COG2: variants seen among roughly 807,000 people sequenced by gnomAD.
COG2 encodes the protein conserved oligomeric Golgi complex subunit 2.
COG2 carries 52 observed loss-of-function variants against 90.6 expected under a neutral mutation model. The observed-to-expected ratio is 0.57, with a 90% CI of 0.46 to 0.72. The LOEUF (loss-of-function observed/expected upper bound fraction) is 0.72. Among genes scored for constraint, COG2 ranks in the 30% least tolerant of loss-of-function variants. The pLI, the probability that COG2 is intolerant of heterozygous loss-of-function variation, is 0.00. For missense variants in COG2, 829 were observed against 891.2 expected, an observed-to-expected ratio of 0.93 and a Z score of 0.89; for synonymous variants, 337 against 320.4, an observed-to-expected ratio of 1.05 and a Z score of -0.55.
At chr1:230,659,739 A>G (rs745710775) in intron 2 of COG2, 114 bp downstream of exon 2, 4 of 1,084,914 alleles carry the variant, frequency 3.7e-6, no homozygotes, top group Non-Finnish European at 5.2e-6. Context: ...TCCTCACAGA[A>G]ATTTGAAGAG....
chr1:230,644,266 A>C (rs981996865), intron 1 of COG2, among the ~76,000 whole-genome samples: 1 of 152,232 alleles, frequency 6.6e-6, no homozygotes, highest in Non-Finnish European at 1.5e-5. Context: ...GACAACATAC[A>C]TAGAAGAAAA....
At chr1:230,650,799 G>A (rs1020938947) in intron 1 of COG2, among the ~76,000 whole-genome samples, 1 of 151,962 alleles carries the variant, frequency 6.6e-6, no homozygotes, top group Middle Eastern at 3.2e-3. Flanking sequence ...TTTTTCCTAG[G>A]TTTTCTTCTA....
chr1:230,653,751 C>G (rs555969454), intron 1 of COG2, among the ~76,000 whole-genome samples: 6 of 152,232 alleles, frequency 3.9e-5, no homozygotes, highest in Admixed American at 3.9e-4. Flanking sequence ...GAGGCCGCAT[C>G]TGGTGGAGGC....
At chr1:230,681,091 A>T (rs1470060659) in intron 10 of COG2, 1 of 151,820 alleles carries the variant, frequency 6.6e-6, no homozygotes, top group Non-Finnish European at 1.5e-5. Flanking sequence ...GTATCCTCTC[A>T]CTCTTCCTGA....
chr1:230,691,423 G>T lies in COG2; in HGVS notation c.1974G>T (p.Lys658Asn). The T allele has an allele frequency of 1.2e-6, 2 of 1,614,068 alleles. No individual in the cohort carries two copies. Among genetic ancestry groups the T allele is most frequent in the Non-Finnish European group, 1.7e-6 (2 of 1,180,008 alleles). ...TGTCAGATGTATTAAACTCTGTGAA[G>T]AAGATGGAAGAGAGCCTGAAAAGGC... is the stretch of plus-strand genomic sequence containing the variant. The part of the protein sequence containing the change: ...ETVSDVLNSV[K>N]KMEESLKRLK... Residue 658 changes from lysine (K) to asparagine (N), a missense_variant, in exon 17 of 18, where the codon AAG (lysine) becomes AAT (asparagine). Transcript: ENST00000366669.
intron 3 of COG2, among the ~76,000 whole-genome samples, chr1:230,662,832 A>C (rs914461093): frequency 3.3e-5 from 5 of 151,998 alleles, no homozygotes; most frequent in Admixed American, 1.3e-4. Flanking sequence ...CTCAAGTCTC[A>C]TCTCCCCCAC....
chr1:230,660,886 C>CA (rs995032003), intron 3 of COG2, 63 bp downstream of exon 3: 655 of 1,142,838 alleles, frequency 5.7e-4, no homozygotes, highest in South Asian at 1.1e-3. Flanking sequence ...TTTGCCCTTC[C>CA]AAAAAAAAAT....
intron 1 of COG2, among the ~76,000 whole-genome samples, chr1:230,652,782 T>C (rs1182094106): frequency 6.6e-6 from 1 of 152,230 alleles, no homozygotes; most frequent in East Asian, 1.9e-4. Flanking sequence ...ATAACTCATG[T>C]TGAGCATTTT....
chr1:230,692,243 A>G (rs1009606716), intron 17 of COG2, among the ~76,000 whole-genome samples: 2 of 152,080 alleles, frequency 1.3e-5, no homozygotes, highest in African/African-American at 4.8e-5. Flanking sequence ...ACATAGTAGT[A>G]GGTCCTCAAG....
chr1:230,653,966 G>A (rs541734667), intron 1 of COG2, among the ~76,000 whole-genome samples: 1 of 152,124 alleles, frequency 6.6e-6, no homozygotes, highest in African/African-American at 2.4e-5. Flanking sequence ...CTCTTGTATT[G>A]GAGATTAAAT....
At chr1:230,651,704 C>T (rs1354630316) in intron 1 of COG2, among the ~76,000 whole-genome samples, 1 of 152,110 alleles carries the variant, frequency 6.6e-6, no homozygotes, top group Non-Finnish European at 1.5e-5. Context: ...TTGACTTCTT[C>T]CAGCTTTTCA....
intron 11 of COG2, among the ~76,000 whole-genome samples, chr1:230,684,145 G>A (rs1175785050): frequency 6.6e-6 from 1 of 152,076 alleles, no homozygotes; most frequent in African/African-American, 2.4e-5. Flanking sequence ...GGTGTATAGA[G>A]TTCTTGCTTT....
At chr1:230,660,552 A>G (rs1033315392) in intron 2 of COG2, among the ~76,000 whole-genome samples, 1 of 152,168 alleles carries the variant, frequency 6.6e-6, no homozygotes. Flanking sequence ...TATAGTTTTC[A>G]TGTACATCAA....
intron 1 of COG2, among the ~76,000 whole-genome samples, chr1:230,655,004 G>A (rs1232014531): frequency 6.6e-6 from 1 of 152,162 alleles, no homozygotes; most frequent in Non-Finnish European, 1.5e-5. Context: ...GGGCTGAGAT[G>A]ATAGGGTTTT....
At chr1:230,658,783 G>A (rs1240909859) in intron 1 of COG2, among the ~76,000 whole-genome samples, 1 of 152,160 alleles carries the variant, frequency 6.6e-6, no homozygotes, top group Non-Finnish European at 1.5e-5. Flanking sequence ...TCTGGCCACA[G>A]CGGCCTTGCT....
At chr1:230,680,490 G>A (rs541617166) in intron 10 of COG2, 1 of 152,076 alleles carries the variant, frequency 6.6e-6, no homozygotes, top group Non-Finnish European at 1.5e-5. Context: ...TGGGCCCCTT[G>A]GTGACGGCCC....
rs1051373489 is a variant in COG2 at position 230,687,127 on chromosome 1, G to C, written c.1573G>C (p.Glu525Gln). 6.2e-7 allele frequency: 1 copy of C among 1,609,786 alleles called. No individual in the cohort carries two copies. The highest frequency in any genetic ancestry group is 8.5e-7 in the Non-Finnish European group (1 of 1,177,554). Residue 525 changes from glutamate to glutamine, a missense_variant, in exon 13 of 18, where the codon GAG becomes CAG. Glu to Gln is a conservative substitution (Grantham distance 29). Transcript: ENST00000366669. ...YVVADLDKLQ[E>Q]QLPELLEIIK... ...GGTTGCAGACCTGGACAAGCTTCAGGAGCAGGTAAGCCTGTGTCCCAGAAT... is the reference window on the plus strand; with the variant it reads ...GGTTGCAGACCTGGACAAGCTTCAGCAGCAGGTAAGCCTGTGTCCCAGAAT...
Position 230,642,687 on chromosome 1 carries a change from G to A in COG2, c.72+9G>A, listed in dbSNP as rs988082304. The A allele has an allele frequency of 3.1e-6, 5 of 1,610,978 alleles. No individual in the cohort carries two copies. Among genetic ancestry groups the A allele is most frequent in the East Asian group, 2.2e-5 (1 of 44,714 alleles). ...AGGACGAGTTCATGAAGGTGCGCGCGGCGTCCGCTCCCCGGAGCCGGGCCA... is the reference window on the plus strand; with the variant it reads ...AGGACGAGTTCATGAAGGTGCGCGCAGCGTCCGCTCCCCGGAGCCGGGCCA... On this transcript the variant is annotated intron_variant, in intron 1 of 17. Coordinates refer to ENST00000366669, the MANE Select transcript of COG2 (RefSeq NM_007357.3).
chr1:230,659,007 ATGTT>A (rs1360754160), intron 1 of COG2, among the ~76,000 whole-genome samples: 1 of 152,148 alleles, frequency 6.6e-6, no homozygotes, highest in East Asian at 1.9e-4. Flanking sequence ...GTGAATCACA[ATGTT>A]AGGTAGAGAA....
Sources: gnomAD v4.1 joint callset for allele counts (sites outside exome capture counted in the v4.1 genomes callset) on GRCh38, gnomAD v4.1.1 for gene constraint, MANE v1.5 for transcripts, NCBI Gene and HGNC (gene_info 2026-07-23, HGNC 2026-07-21) for gene names.